The following ZNG1A variants were observed in gnomAD, a reference collection of about 807,000 sequenced individuals.
ZNG1A encodes the protein Zn regulated GTPase metalloprotein activator 1A.
the ZNG1A span, chr9:154,937 T>C: frequency 3.6e-6 from 3 of 824,300 alleles, no homozygotes; most frequent in Non-Finnish European, 5.6e-6. Flanking sequence ...AAGAATTATC[T>C]AGTGCTCTAT....
the ZNG1A span, among the ~76,000 whole-genome samples, chr9:128,066 C>G: frequency 6.6e-6 from 1 of 152,110 alleles, no homozygotes; most frequent in Non-Finnish European, 1.5e-5. Flanking sequence ...TGCTGTTAAT[C>G]TGGTAAGTTT....
chr9:178,736 C>G, the ZNG1A span: 1 of 1,023,270 alleles, frequency 9.8e-7, no homozygotes, highest in East Asian at 2.6e-5. Flanking sequence ...CCCAATGCCT[C>G]AGGAGAAGAG....
chr9:156,149 T>TATATATATA, the ZNG1A span, among the ~76,000 whole-genome samples: 9 of 65,904 alleles, frequency 1.4e-4, no homozygotes, highest in African/African-American at 3.7e-4. Flanking sequence ...ATTATTATTA[T>TATATATATA]TATACATATA....
the ZNG1A span, among the ~76,000 whole-genome samples, chr9:162,232 C>T: frequency 3.4e-5 from 5 of 147,594 alleles, no homozygotes; most frequent in South Asian, 6.7e-4. Flanking sequence ...ATCACCAAAT[C>T]AAACTCAGAG....
At chr9:154,895 A>G in the ZNG1A span, 14 of 1,210,478 alleles carry the variant, frequency 1.2e-5, no homozygotes, top group Admixed American at 2.2e-5. Context: ...AAAAATAAAT[A>G]AAAACGCCTC....
chr9:176,743 G>A, the ZNG1A span, among the ~76,000 whole-genome samples: 17 of 151,856 alleles, frequency 1.1e-4, no homozygotes, highest in African/African-American at 3.6e-4. Context: ...CCCTGAACAT[G>A]AGTGTTTCAC....
chr9:158,698 C>T, the ZNG1A span, among the ~76,000 whole-genome samples: 1 of 149,880 alleles, frequency 6.7e-6, no homozygotes, highest in African/African-American at 2.5e-5. Flanking sequence ...CAGAAAGTAT[C>T]AAATATAAAA....
chr9:140,118 G>C, the ZNG1A span, among the ~76,000 whole-genome samples: 1 of 150,880 alleles, frequency 6.6e-6, no homozygotes, highest in Admixed American at 6.6e-5. Context: ...GCTTGATTAG[G>C]TAAACAAAGC....
the ZNG1A span, among the ~76,000 whole-genome samples, chr9:138,396 C>CT: frequency 0.047 from 4,134 of 87,262 alleles, 97 homozygotes; most frequent in African/African-American, 0.083. Context: ...TTCTTTCTTT[C>CT]TTTTTTTTTT....
At chr9:154,188 T>C in the ZNG1A span, 1 of 155,986 alleles carries the variant, frequency 6.4e-6, no homozygotes, top group Admixed American at 6.3e-5. Context: ...TTAAGGAAGA[T>C]GAAGTCAACA....
the ZNG1A span, among the ~76,000 whole-genome samples, chr9:138,612 T>C: frequency 6.8e-6 from 1 of 146,096 alleles, no homozygotes; most frequent in Admixed American, 6.9e-5. Flanking sequence ...GAAATATATA[T>C]ATAAGGCTGG....
At chr9:159,624 C>T in the ZNG1A span, among the ~76,000 whole-genome samples, 1 of 151,406 alleles carries the variant, frequency 6.6e-6, no homozygotes, top group Non-Finnish European at 1.5e-5. Flanking sequence ...CCACTGTAGA[C>T]CTAACTTCAT....
the ZNG1A span, chr9:156,378 T>C: frequency 0.042 from 59,822 of 1,438,916 alleles, 1,603 homozygotes; most frequent in African/African-American, 0.099. Context: ...TAAATTTTCC[T>C]TGACTATGTT....
At chr9:148,578 CAAGAAAAAAAAAAA>C in the ZNG1A span, 3 of 107,188 alleles carry the variant, frequency 2.8e-5, no homozygotes, top group African/African-American at 7.4e-5. Context: ...TTAAAATCGC[CAAGAAAAAAAAAAA>C]AAGAAAAAAA....
the ZNG1A span, among the ~76,000 whole-genome samples, chr9:126,843 A>G: frequency 1.3e-5 from 2 of 151,980 alleles, no homozygotes; most frequent in Admixed American, 6.6e-5. Context: ...CCTTCCTCTT[A>G]GCACCGCCTC....
chr9:137,585 A>C, the ZNG1A span, among the ~76,000 whole-genome samples: 6 of 152,080 alleles, frequency 3.9e-5, no homozygotes, highest in African/African-American at 1.4e-4. Flanking sequence ...ACCTTGAAGT[A>C]AAAAGAAGAA....
the ZNG1A span, chr9:163,956 A>C: frequency 7.6e-6 from 12 of 1,582,812 alleles, no homozygotes; most frequent in Non-Finnish European, 9.4e-6. Flanking sequence ...GAAAGATAAA[A>C]GAAAACTGTT....
At chr9:178,510 G>C in the ZNG1A span, among the ~76,000 whole-genome samples, 27 of 110,320 alleles carry the variant, frequency 2.4e-4, 5 homozygotes, top group African/African-American at 6.7e-4. Flanking sequence ...CGTCAGGAAG[G>C]TAAGATAACT....
chr9:141,144 CA>C, the ZNG1A span, among the ~76,000 whole-genome samples: 1 of 129,636 alleles, frequency 7.7e-6, no homozygotes, highest in African/African-American at 2.8e-5. Flanking sequence ...AGAACTTCCC[CA>C]ATCTAGCAAG....
Sources: gnomAD v4.1 joint callset for allele counts (sites outside exome capture counted in the v4.1 genomes callset) on GRCh38, gnomAD v4.1.1 for gene constraint, MANE v1.5 for transcripts, NCBI Gene and HGNC (gene_info 2026-07-23, HGNC 2026-07-21) for gene names.